RBM39: variants seen among roughly 807,000 people sequenced by gnomAD.
RBM39 encodes the protein RNA binding motif protein 39.
RBM39 carries 12 observed loss-of-function variants against 79.6 expected under a neutral mutation model. The ratio of observed to expected loss-of-function variants is 0.15; its 90% confidence interval spans 0.10 to 0.24. The LOEUF (loss-of-function observed/expected upper bound fraction) is 0.24. Ranked by LOEUF, RBM39 falls within the 10% of genes least tolerant of loss-of-function variation. RBM39 has a pLI of 1.00. For synonymous variants in RBM39, 185 were observed against 208.4 expected, an observed-to-expected ratio of 0.89 and a Z score of 0.97; for missense variants, 243 against 653.4, an observed-to-expected ratio of 0.37 and a Z score of 6.85.
At chr20:35,705,125 A>G (rs893445503) in intron 15 of RBM39, 100 bp downstream of exon 15, 6 of 742,660 alleles carry the variant, frequency 8.1e-6, no homozygotes, top group African/African-American at 1.8e-5. Context: ...CACAAAAACT[A>G]TAATGGAAGA....
rs1351659894 is a variant in RBM39, at chr20:35,729,442, T to A, written c.362+20A>T. The A allele has an allele frequency of 6.2e-7, 1 of 1,611,474 alleles. No individual in the cohort carries two copies. The highest frequency in any genetic ancestry group is 8.5e-7 in the Non-Finnish European group (1 of 1,178,452). On this transcript the variant is annotated intron_variant, in intron 5 of 16. Coordinates refer to ENST00000253363, the MANE Select transcript of RBM39 (RefSeq NM_184234.3). ...TTCCTTGAAAAACAATTTAAACAATTCAGAAGTATGTTTAAAAACCTTAAT... is the reference window on the plus strand; with the variant it reads ...TTCCTTGAAAAACAATTTAAACAATACAGAAGTATGTTTAAAAACCTTAAT...
At chr20:35,708,973 A>C (rs536019041) in intron 13 of RBM39, 16 of 369,798 alleles carry the variant, frequency 4.3e-5, no homozygotes, top group African/African-American at 3.4e-4. Context: ...AAACAAAAAC[A>C]AGGTTGAAAA....
intron 4 of RBM39, 61 bp from the exon 5 acceptor site, chr20:35,729,588 C>A (rs2039143269): frequency 2.1e-6 from 3 of 1,420,538 alleles, no homozygotes; most frequent in Non-Finnish European, 2.0e-6. Flanking sequence ...AGATCGCATT[C>A]ATGCGCTCTC....
intron 2 of RBM39, chr20:35,740,579 G>T: frequency 6.9e-7 from 1 of 1,444,872 alleles, no homozygotes. Context: ...GAGTAGAGGT[G>T]AGATATCGTT....
intron 4 of RBM39, among the ~76,000 whole-genome samples, chr20:35,730,357 GAAAT>G (rs951206621): frequency 2.6e-5 from 4 of 152,118 alleles, no homozygotes; most frequent in East Asian, 3.8e-4. Context: ...GAAGAACAGC[GAAAT>G]AAATAAATAC....
intron 6 of RBM39, among the ~76,000 whole-genome samples, chr20:35,728,629 T>C (rs772126418): frequency 6.6e-6 from 1 of 151,726 alleles, no homozygotes; most frequent in Non-Finnish European, 1.5e-5. Flanking sequence ...ATACAAAAAT[T>C]TGCCGGGCAT....
chr20:35,705,747 A>T (rs773463614), intron 14 of RBM39, among the ~76,000 whole-genome samples: 10 of 151,894 alleles, frequency 6.6e-5, no homozygotes, highest in Non-Finnish European at 1.3e-4. Flanking sequence ...GCAGTGAGCC[A>T]GTATCAAATC....
At chr20:35,739,044 A>G (rs755868247) in intron 2 of RBM39, 27 bp from the exon 3 acceptor site, 1 of 1,579,502 alleles carries the variant, frequency 6.3e-7, no homozygotes, top group South Asian at 1.1e-5. Context: ...GAAGAACATC[A>G]TGAGGACGAA....
chr20:35,737,841 T>C (rs1398671910), intron 3 of RBM39, among the ~76,000 whole-genome samples: 2 of 78,914 alleles, frequency 2.5e-5, no homozygotes, highest in African/African-American at 5.6e-5. Context: ...AGAGCAAGAC[T>C]CCGTGTCAAA....
intron 6 of RBM39, among the ~76,000 whole-genome samples, chr20:35,726,714 G>GT (rs1305010539): frequency 1.3e-5 from 2 of 152,174 alleles, no homozygotes; most frequent in Non-Finnish European, 2.9e-5. Flanking sequence ...ATCAATTAAG[G>GT]TTGTAAGTCA....
chr20:35,734,413 C>CT (rs2039693444), intron 3 of RBM39: 17 of 312,122 alleles, frequency 5.4e-5, no homozygotes, highest in South Asian at 4.8e-4. Flanking sequence ...CCTAAGAAAC[C>CT]TAACACTATC....
chr20:35,731,840 TA>T (rs1290036606), intron 4 of RBM39, 100 bp downstream of exon 4: 1 of 1,099,224 alleles, frequency 9.1e-7, no homozygotes, highest in Non-Finnish European at 1.3e-6. Flanking sequence ...AACCAATCAT[TA>T]AAAAAATAAA....
intron 9 of RBM39, among the ~76,000 whole-genome samples, chr20:35,718,978 TAATAA>T (rs926191478): frequency 3.3e-5 from 5 of 152,052 alleles, no homozygotes; most frequent in African/African-American, 1.2e-4. Flanking sequence ...CCAAAAAAAA[TAATAA>T]AATAAACCTT....
chr20:35,707,465 C>A, intron 13 of RBM39: 1 of 259,788 alleles, frequency 3.8e-6, no homozygotes, highest in Non-Finnish European at 7.4e-6. Context: ...TATGTGTTAT[C>A]AAAATCAGTT....
chr20:35,704,619 C>T (rs1242851261), intron 16 of RBM39, 38 bp from the exon 17 acceptor site: 1 of 1,610,106 alleles, frequency 6.2e-7, no homozygotes, highest in Non-Finnish European at 8.5e-7. Flanking sequence ...TTAGCATCTT[C>T]ATTATAGAGC....
chr20:35,714,180 C>T lies in RBM39; in HGVS notation c.1096+5G>A, dbSNP rs889238511. 5.6e-6 allele frequency: 9 copies of T among 1,611,792 alleles called. No homozygotes were observed. The highest frequency in any genetic ancestry group is 2.0e-4 in the Middle Eastern group (1 of 5,104). ...AAATCATTCGTAATAGCAAGAAACA[C>T]TTACCCTCTGCAAGTCTTGCCATTA... On this transcript the variant is annotated splice_donor_5th_base_variant and intron_variant, in intron 11 of 16. Coordinates refer to ENST00000253363, the MANE Select transcript of RBM39 (RefSeq NM_184234.3).
chr20:35,735,399 T>A (rs1279732909), intron 3 of RBM39, among the ~76,000 whole-genome samples: 1 of 152,228 alleles, frequency 6.6e-6, no homozygotes, highest in Non-Finnish European at 1.5e-5. Context: ...TTTACTATTC[T>A]AGGATACTAT....
At chr20:35,721,546 T>C (rs1316523185) in intron 9 of RBM39, among the ~76,000 whole-genome samples, 194 bp downstream of exon 9, 1 of 152,030 alleles carries the variant, frequency 6.6e-6, no homozygotes, top group African/African-American at 2.4e-5. Flanking sequence ...GCATTATGAA[T>C]AACAGTAACA....
chr20:35,704,644 G>C, intron 16 of RBM39, 24 bp downstream of exon 16: 1 of 1,612,140 alleles, frequency 6.2e-7, no homozygotes, highest in Non-Finnish European at 8.5e-7. Context: ...ATAACAATCA[G>C]TCAAAAAATA....
Sources: allele counts gnomAD v4.1 joint callset (sites outside exome capture counted in the v4.1 genomes callset), GRCh38; gene constraint gnomAD v4.1.1; transcripts MANE v1.5; gene names NCBI Gene and HGNC (gene_info 2026-07-23, HGNC 2026-07-21).